Variants in PIK3C2A observed in about 807,000 individuals in gnomAD.
PIK3C2A encodes the protein phosphatidylinositol 4-phosphate 3-kinase C2 domain-containing subunit alpha.
PIK3C2A carries 97 observed loss-of-function variants against 204.5 expected under a neutral mutation model. The ratio of observed to expected loss-of-function variants is 0.47; its 90% CI spans 0.40 to 0.56. The LOEUF (loss-of-function observed/expected upper bound fraction) is 0.56, where lower values mean the gene tolerates loss of function less well. PIK3C2A is among the 20% of genes least tolerant of loss of function. PIK3C2A has a pLI of 0.00. For missense variants in PIK3C2A, 1,735 were observed against 1,969.2 expected (o/e 0.88, Z 2.25); for synonymous variants, 653 against 664.4 (o/e 0.98, Z 0.26).
rs1851179593 is a variant in PIK3C2A, at chr11:17,171,868, G to C, written c.-65-2062C>G. Among the ~76,000 whole-genome samples, 4 of 152,020 alleles carry C rather than the reference G, an allele frequency of 2.6e-5. No individual in the cohort carries two copies. In the South Asian group the frequency reaches 8.3e-4, roughly 32 times the overall value. On this transcript the variant is annotated intron_variant, in intron 1 of 32. Transcript: ENST00000691414. The stretch of plus-strand genomic sequence containing the variant: ...TCAAGCAAGCCTCCTGCCTCAGCTG[G>C]GATTACAGGCATGATCCACTGTGCC...
chr11:17,196,640 G>A (rs1178617400), intron 1 of PIK3C2A, among the ~76,000 whole-genome samples: 2 of 151,924 alleles, frequency 1.3e-5, no homozygotes, highest in Non-Finnish European at 2.9e-5. Context: ...CTCGATCTCC[G>A]CTCACTGCAA....
intron 1 of PIK3C2A, chr11:17,193,565 A>G: frequency 2.4e-6 from 1 of 415,562 alleles, no homozygotes; most frequent in South Asian, 1.8e-5. Context: ...AACTGCGATC[A>G]AGCCAGGTGT....
intron 13 of PIK3C2A, among the ~76,000 whole-genome samples, chr11:17,125,488 T>C (rs957813449): frequency 1.3e-5 from 2 of 152,142 alleles, no homozygotes; most frequent in Non-Finnish European, 2.9e-5. Context: ...AATTCTATCA[T>C]TCCTTCTGCA....
In PIK3C2A at chr11:17,122,766, T is replaced by C. The variant is rs763539325; in HGVS notation, c.2447A>G (p.His816Arg). 10 of 1,569,836 alleles carry C rather than the reference T, an allele frequency of 6.4e-6. No individual in the cohort carries two copies. The highest frequency in any genetic ancestry group is 5.1e-5 in the Admixed American group (3 of 58,916). ...AACTGTTCCAGGAACAGAATTTGTA[T>C]GTGATGAAGTCCAAAGATATAGAAG... is the stretch of plus-strand genomic sequence containing the variant. ...TKLLYLWTSS[H>R]TNSVPGTVTK... Residue 816 changes from histidine (H) to arginine (R), a missense_variant, in exon 14 of 33, where the codon CAT (histidine) becomes CGT (arginine). By Grantham distance (29) the His-to-Arg change is conservative (BLOSUM62 0). Transcript: ENST00000691414.
chr11:17,196,403 A>G (rs754451843), intron 1 of PIK3C2A, among the ~76,000 whole-genome samples: 1 of 152,236 alleles, frequency 6.6e-6, no homozygotes, highest in Non-Finnish European at 1.5e-5. Context: ...ATTAACAGGT[A>G]GCTGAAAAAG....
chr11:17,169,718 G>C lies in PIK3C2A; in HGVS notation c.24C>G (p.Ser8Arg). MAQISSN[S>R]GFKECPSSHP... The stretch of plus-strand genomic sequence containing the variant: ...GTGAAGATGGACATTCTTTAAATCC[G>C]CTGTTGCTAGATATCTGAGCCATGT... Residue 8 changes from serine to arginine, a missense_variant, in exon 2 of 33, where the codon AGC (serine) becomes AGG (arginine). This residue lies in a region of PIK3C2A where 536 missense variants were observed against 546.7 expected (regional missense o/e 0.98). Transcript: ENST00000691414. The C allele has an allele frequency of 6.2e-7, 1 of 1,602,016 alleles. No homozygotes were observed. Among genetic ancestry groups the C allele is most frequent in the Non-Finnish European group, 8.5e-7 (1 of 1,178,416 alleles).
intron 4 of PIK3C2A, 118 bp from the exon 5 acceptor site, chr11:17,148,905 G>T: frequency 1.5e-6 from 1 of 673,054 alleles, no homozygotes; most frequent in Non-Finnish European, 2.2e-6. Flanking sequence ...ACAAATGTAG[G>T]CCACATATAT....
chr11:17,094,717 T>A (rs922862017), intron 27 of PIK3C2A, among the ~76,000 whole-genome samples: 2 of 152,050 alleles, frequency 1.3e-5, no homozygotes, highest in African/African-American at 2.4e-5. Context: ...CGAGACTCCA[T>A]CTCAAAAAAA....
chr11:17,102,026 G>C (rs1455951221), intron 24 of PIK3C2A, among the ~76,000 whole-genome samples: 1 of 152,146 alleles, frequency 6.6e-6, no homozygotes, highest in Admixed American at 6.5e-5. Flanking sequence ...TACCCAAAGA[G>C]ATCAAACAGT....
intron 8 of PIK3C2A, among the ~76,000 whole-genome samples, chr11:17,144,263 G>T (rs1196020502): frequency 2.6e-5 from 4 of 152,084 alleles, no homozygotes; most frequent in African/African-American, 7.2e-5. Context: ...CCTTCTAAGA[G>T]GCCTTCTTTG....
chr11:17,122,957 C>T (rs1358229704), intron 13 of PIK3C2A, 144 bp from the exon 14 acceptor site: 1 of 554,564 alleles, frequency 1.8e-6, no homozygotes, highest in Non-Finnish European at 3.1e-6. Context: ...AGGATTCACT[C>T]TCCACATTGT....
At chr11:17,147,780 T>A in intron 5 of PIK3C2A, 152 bp from the exon 6 acceptor site, 1 of 578,492 alleles carries the variant, frequency 1.7e-6, no homozygotes, top group Non-Finnish European at 3.1e-6. Flanking sequence ...AACAGAGAAA[T>A]TATTCTGTAC....
intron 2 of PIK3C2A, among the ~76,000 whole-genome samples, 169 bp from the exon 3 acceptor site, chr11:17,155,798 A>G (rs1465584490): frequency 6.6e-6 from 1 of 152,222 alleles, no homozygotes; most frequent in African/African-American, 2.4e-5. Flanking sequence ...TGTAAAAGTA[A>G]TGTCAACTAA....
chr11:17,186,553 C>A (rs1247401949), intron 1 of PIK3C2A, among the ~76,000 whole-genome samples: 1 of 152,152 alleles, frequency 6.6e-6, no homozygotes, highest in Non-Finnish European at 1.5e-5. Flanking sequence ...TAAAGAGATA[C>A]AATAGATTTT....
At chr11:17,181,645 TATATATATATATATACAC>T (rs1851565637) in intron 1 of PIK3C2A, among the ~76,000 whole-genome samples, 2 of 30,776 alleles carry the variant, frequency 6.5e-5, no homozygotes, top group Non-Finnish European at 1.2e-4. Flanking sequence ...TATATATATA[TATATATATATATATACAC>T]ACACACACAC....
At chr11:17,181,659 TAC>T (rs71047535) in intron 1 of PIK3C2A, among the ~76,000 whole-genome samples, 39 of 113,130 alleles carry the variant, frequency 3.4e-4, no homozygotes, top group African/African-American at 9.3e-4. Flanking sequence ...TATATATATA[TAC>T]ACACACACAC....
At chr11:17,132,440 C>T (rs1407612869) in intron 11 of PIK3C2A, among the ~76,000 whole-genome samples, 2 of 149,628 alleles carry the variant, frequency 1.3e-5, no homozygotes, top group African/African-American at 4.9e-5. Context: ...CGCCATTCTC[C>T]TGCCTCAGCC....
At chr11:17,173,253 T>TTAATTAAAATAGAACTGGCCA (rs1465655156) in intron 1 of PIK3C2A, among the ~76,000 whole-genome samples, 17 of 152,180 alleles carry the variant, frequency 1.1e-4, no homozygotes, top group Non-Finnish European at 2.5e-4. Context: ...TCCCACATAG[T>TTAATTAAAATAGAACTGGCCA]TAATTAAAAT....
intron 13 of PIK3C2A, among the ~76,000 whole-genome samples, chr11:17,128,234 C>T (rs1488081139): frequency 3.8e-5 from 5 of 131,430 alleles, no homozygotes; most frequent in South Asian, 2.3e-4. Context: ...CTTTTTTCTC[C>T]TTTTTTTTTT....
Sources: gnomAD v4.1 joint callset for allele counts (sites outside exome capture counted in the v4.1 genomes callset) on GRCh38, gnomAD v4.1.1 for gene constraint, gnomAD v4.1.1 regional missense constraint, MANE v1.5 for transcripts, NCBI Gene and HGNC (gene_info 2026-07-23, HGNC 2026-07-21) for gene names.